The following MYOCD variants were observed in gnomAD, a reference collection of about 807,000 sequenced individuals.
The protein encoded by MYOCD is myocardin.
Under a neutral mutation model 96.1 loss-of-function variants are expected in MYOCD, and 32 were observed. The observed-to-expected ratio is 0.33, with a 90% CI of 0.25 to 0.45. The LOEUF (loss-of-function observed/expected upper bound fraction) is 0.45, where lower values mean the gene tolerates loss of function less well. Among genes scored for constraint, MYOCD ranks in the 20% least tolerant of loss-of-function variants. The probability of loss-of-function intolerance (pLI) is 1.00; values close to 1 mark genes in which losing one functional copy is unlikely to be tolerated. For synonymous variants in MYOCD, 469 were observed against 469.0 expected, an observed-to-expected ratio of 1.00 and a Z score of 0.00; for missense variants, 1,133 against 1,200.6, an observed-to-expected ratio of 0.94 and a Z score of 0.83.
intron 7 of MYOCD, among the ~76,000 whole-genome samples, chr17:12,740,931 T>A (rs554933323): frequency 6.6e-6 from 1 of 151,868 alleles, no homozygotes; most frequent in South Asian, 2.1e-4. Context: ...AAAGACGGGG[T>A]TTCTCCATGT....
At chr17:12,729,905 G>A (rs2032116558) in intron 5 of MYOCD, among the ~76,000 whole-genome samples, 1 of 152,080 alleles carries the variant, frequency 6.6e-6, no homozygotes, top group Non-Finnish European at 1.5e-5. Flanking sequence ...TGCTTTTCCT[G>A]ACTTGTGTGG....
chr17:12,745,058 T>C (rs2032621445), intron 8 of MYOCD, among the ~76,000 whole-genome samples: 2 of 152,328 alleles, frequency 1.3e-5, no homozygotes, highest in Non-Finnish European at 2.9e-5. Flanking sequence ...GAATGTGATA[T>C]TGGAATTATG....
At chr17:12,723,125 C>T in intron 5 of MYOCD, 117 bp downstream of exon 5, 1 of 981,588 alleles carries the variant, frequency 1.0e-6, no homozygotes, top group Non-Finnish European at 1.5e-6. Context: ...AAGAGCCATA[C>T]CATGGGTTGT....
At chr17:12,669,446 T>A (rs1484398227) in intron 1 of MYOCD, among the ~76,000 whole-genome samples, 1 of 152,210 alleles carries the variant, frequency 6.6e-6, no homozygotes, top group Non-Finnish European at 1.5e-5. Flanking sequence ...AATATAACCT[T>A]GTTCAGTTTA....
intron 8 of MYOCD, among the ~76,000 whole-genome samples, chr17:12,745,358 C>G (rs1007239358): frequency 1.3e-5 from 2 of 151,950 alleles, no homozygotes; most frequent in Non-Finnish European, 2.9e-5. Flanking sequence ...TACAGGCATG[C>G]GCCACCACGC....
At chr17:12,673,330 T>A (rs1443755063) in intron 1 of MYOCD, among the ~76,000 whole-genome samples, 2 of 152,214 alleles carry the variant, frequency 1.3e-5, no homozygotes, top group African/African-American at 4.8e-5. Flanking sequence ...TACATTATAT[T>A]TTTTGTCATT....
chr17:12,713,178 A>G (rs2031532493), intron 2 of MYOCD, among the ~76,000 whole-genome samples: 1 of 152,186 alleles, frequency 6.6e-6, no homozygotes, highest in South Asian at 2.1e-4. Context: ...AGTTTCTTCC[A>G]CCCTGTGGCA....
chr17:12,705,313 C>A, intron 2 of MYOCD, 120 bp downstream of exon 2: 1 of 648,240 alleles, frequency 1.5e-6, no homozygotes. Context: ...ATCTTCAAAG[C>A]ATTGGTATCA....
At chr17:12,749,182 G>C (rs2032755667) in intron 9 of MYOCD, among the ~76,000 whole-genome samples, 1 of 152,024 alleles carries the variant, frequency 6.6e-6, no homozygotes, top group African/African-American at 2.4e-5. Flanking sequence ...TCACCACCTA[G>C]TTAACATTCC....
At chr17:12,731,989 G>A (rs1009863186) in intron 5 of MYOCD, among the ~76,000 whole-genome samples, 2 of 152,184 alleles carry the variant, frequency 1.3e-5, no homozygotes, top group African/African-American at 4.8e-5. Flanking sequence ...TGATTGACAG[G>A]GGCCCCCATG....
At chr17:12,673,148 T>C (rs1909805881) in intron 1 of MYOCD, among the ~76,000 whole-genome samples, 1 of 152,182 alleles carries the variant, frequency 6.6e-6, no homozygotes, top group Non-Finnish European at 1.5e-5. Flanking sequence ...TGTTTTCTGC[T>C]GACTGGTTGG....
intron 4 of MYOCD, among the ~76,000 whole-genome samples, chr17:12,721,021 TAA>T (rs760458241): frequency 9.3e-5 from 10 of 107,530 alleles, no homozygotes; most frequent in Admixed American, 2.1e-4. Context: ...GACTCTGTCT[TAA>T]AAAAAAAAAA....
intron 1 of MYOCD, among the ~76,000 whole-genome samples, chr17:12,679,346 A>G (rs1186971248): frequency 6.6e-6 from 1 of 152,206 alleles, no homozygotes; most frequent in Admixed American, 6.5e-5. Context: ...AGGCATAGGG[A>G]TAGCAAAGGA....
intron 9 of MYOCD, among the ~76,000 whole-genome samples, chr17:12,751,960 C>A (rs971695350): frequency 1.3e-5 from 2 of 152,146 alleles, no homozygotes; most frequent in African/African-American, 4.8e-5. Flanking sequence ...GTGGTTCTGG[C>A]GCATGTTCAG....
At chr17:12,725,637 C>A (rs1488537292) in intron 5 of MYOCD, among the ~76,000 whole-genome samples, 1 of 149,400 alleles carries the variant, frequency 6.7e-6, no homozygotes, top group Non-Finnish European at 1.5e-5. Context: ...TGATACCTTG[C>A]CAGTGCCTCA....
intron 10 of MYOCD, among the ~76,000 whole-genome samples, chr17:12,754,134 T>C (rs1484205540): frequency 6.6e-6 from 1 of 151,736 alleles, no homozygotes; most frequent in African/African-American, 2.4e-5. Flanking sequence ...AGATAGAGTC[T>C]CGCTCTGTCA....
At chr17:12,680,682 G>A (rs962442039) in intron 1 of MYOCD, among the ~76,000 whole-genome samples, 5 of 152,222 alleles carry the variant, frequency 3.3e-5, no homozygotes, top group Non-Finnish European at 4.4e-5. Context: ...AAGCCTCAGA[G>A]AGGAATCTTG....
chr17:12,668,238 C>G (rs966541883), intron 1 of MYOCD, among the ~76,000 whole-genome samples: 1 of 152,054 alleles, frequency 6.6e-6, no homozygotes, highest in African/African-American at 2.4e-5. Context: ...CACTGTTTTC[C>G]CTTCTCTTTC....
At position 12,764,858 on chromosome 17, in the gene MYOCD, T is replaced by C. The variant is rs2033292966; in HGVS notation, c.*1214T>C. The C allele has an allele frequency of 6.6e-6, 1 of 152,228 alleles. No individual in the cohort carries two copies. The highest frequency in any genetic ancestry group is 1.9e-4 in the East Asian group (1 of 5,194). 9.4% of individuals were successfully genotyped at this position (152,228 alleles called of 1,614,324 possible). ...CCAGGTTCTTCTGGAGAACTCATTC[T>C]CCACACGCACAGTTTGCTGCAAAAG... On this transcript the variant is annotated 3_prime_UTR_variant, in exon 14 of 14. Coordinates refer to ENST00000425538, the MANE Select transcript of MYOCD (RefSeq NM_001146312.3).
Sources: allele counts gnomAD v4.1 joint callset (sites outside exome capture counted in the v4.1 genomes callset), GRCh38; gene constraint gnomAD v4.1.1; transcripts MANE v1.5; gene names NCBI Gene and HGNC (gene_info 2026-07-23, HGNC 2026-07-21).